The following TTLL5 variants were observed in gnomAD, a reference collection of about 807,000 sequenced individuals.
TTLL5 encodes tubulin polyglutamylase TTLL5.
A neutral mutation model predicts 168.4 loss-of-function variants in TTLL5; 132 were observed. The ratio of observed to expected loss-of-function variants is 0.78; its 90% CI spans 0.68 to 0.91. The LOEUF (loss-of-function observed/expected upper bound fraction) is 0.91, where lower values mean the gene tolerates loss of function less well. TTLL5 is among the 40% of genes least tolerant of loss of function. The pLI, the probability that TTLL5 is intolerant of heterozygous loss-of-function variation, is 0.00. For missense variants in TTLL5, 1,545 were observed against 1,581.5 expected, an observed-to-expected ratio of 0.98 and a Z score of 0.39; for synonymous variants, 546 against 558.6, an observed-to-expected ratio of 0.98 and a Z score of 0.32.
chr14:75,891,839 C>T (rs543274688), intron 30 of TTLL5, among the ~76,000 whole-genome samples: 20 of 152,274 alleles, frequency 1.3e-4, no homozygotes, highest in Non-Finnish European at 1.0e-4. Context: ...CTAGAGATAG[C>T]ACTAAGCTTC....
chr14:75,815,126 C>T (rs1337147362), intron 27 of TTLL5, among the ~76,000 whole-genome samples: 1 of 152,108 alleles, frequency 6.6e-6, no homozygotes, highest in Non-Finnish European at 1.5e-5. Context: ...GAAGAGACTG[C>T]TGGGTGAGGG....
intron 28 of TTLL5, among the ~76,000 whole-genome samples, chr14:75,846,980 A>G (rs1306381570): frequency 1.3e-5 from 2 of 151,920 alleles, no homozygotes; most frequent in Non-Finnish European, 2.9e-5. Flanking sequence ...ATTACATTGG[A>G]TTAAGTTCCT....
rs1251844912 is a variant in TTLL5 at position 75,766,135 on chromosome 14, T to C, written c.1782T>C (p.Asp594=). The C allele has an allele frequency of 1.2e-6, 2 of 1,614,060 alleles. No homozygotes were observed. The highest frequency in any genetic ancestry group is 1.7e-6 in the Non-Finnish European group (2 of 1,179,988). ...ESEEEEEVAL[D]NEDEEQEASQ... is the part of the protein sequence containing the mutation. ...AAGAGGAGGAAGAAGTCGCATTAGATAATGAAGATGAAGAACAGGAGGCTT... is the reference window on the plus strand; with the variant it reads ...AAGAGGAGGAAGAAGTCGCATTAGACAATGAAGATGAAGAACAGGAGGCTT... The change falls in exon 20 of 32, where the codon GAT becomes GAC. Residue 594 remains aspartate (D), a synonymous_variant. Transcript: ENST00000298832.
At chr14:75,828,067 T>G (rs190662982) in intron 28 of TTLL5, among the ~76,000 whole-genome samples, 39 of 152,212 alleles carry the variant, frequency 2.6e-4, no homozygotes, top group African/African-American at 8.7e-4. Flanking sequence ...GTGATGAGAA[T>G]GAAATATGGG....
intron 4 of TTLL5, 149 bp from the exon 5 acceptor site, chr14:75,683,401 T>C: frequency 1.6e-6 from 1 of 610,716 alleles, no homozygotes; most frequent in Admixed American, 2.9e-5. Flanking sequence ...ACACTGCTTT[T>C]GTCTCACTAG....
intron 31 of TTLL5, among the ~76,000 whole-genome samples, chr14:75,935,093 A>G (rs932290177): frequency 3.9e-4 from 59 of 152,236 alleles, no homozygotes; most frequent in African/African-American, 1.3e-3. Context: ...TTGTGGTGAT[A>G]GTGAGCTGAC....
At chr14:75,923,154 A>G (rs1427493588) in intron 31 of TTLL5, among the ~76,000 whole-genome samples, 2 of 152,080 alleles carry the variant, frequency 1.3e-5, no homozygotes, top group Non-Finnish European at 2.9e-5. Context: ...TTCTCAAAAA[A>G]CCAGCTCCTG....
chr14:75,952,347 C>T (rs1029131852), intron 31 of TTLL5, among the ~76,000 whole-genome samples: 15 of 152,154 alleles, frequency 9.9e-5, no homozygotes, highest in African/African-American at 3.6e-4. Flanking sequence ...AGCAGTGTAT[C>T]ACTTCATGCC....
intron 31 of TTLL5, among the ~76,000 whole-genome samples, chr14:75,932,721 A>G (rs2034314243): frequency 6.6e-6 from 1 of 152,164 alleles, no homozygotes; most frequent in Non-Finnish European, 1.5e-5. Context: ...CTGTTTTGTC[A>G]CTGTGAAATG....
chr14:75,736,377 A>G (rs190286541), intron 15 of TTLL5, among the ~76,000 whole-genome samples: 51 of 151,930 alleles, frequency 3.4e-4, no homozygotes, highest in Non-Finnish European at 6.2e-4. Context: ...TCCATATACT[A>G]TTATTTATTC....
chr14:75,869,821 A>ATTGTTTTTTTTTT (rs2030863777), intron 29 of TTLL5, among the ~76,000 whole-genome samples: 1 of 82,416 alleles, frequency 1.2e-5, no homozygotes, highest in Non-Finnish European at 2.1e-5. Context: ...TTCAACAAGT[A>ATTGTTTTTTTTTT]TTTTTTTTTT....
At chr14:75,869,581 C>G (rs2139974588) in intron 29 of TTLL5, among the ~76,000 whole-genome samples, 1 of 152,146 alleles carries the variant, frequency 6.6e-6, no homozygotes, top group Admixed American at 6.5e-5. Flanking sequence ...TACAGCTGCC[C>G]TCTTATTAGC....
rs1486302168 is a variant in TTLL5, at chr14:75,815,469, C to T, written c.3172-4538C>T. On this transcript the variant is annotated intron_variant, in intron 27 of 31. Coordinates refer to ENST00000298832, the MANE Select transcript of TTLL5 (RefSeq NM_015072.5). ...CAGGAATGGTTGTTATGTGAATAAA[C>T]GTAACCCTCCAATAATCCAAAAGTA... 3.9e-5 allele frequency among the ~76,000 whole-genome samples: 6 copies of T among 152,160 alleles called. 1 individual carries two copies. In the South Asian group the frequency reaches 6.2e-4, roughly 16 times the overall value.
intron 9 of TTLL5, among the ~76,000 whole-genome samples, chr14:75,708,853 C>T (rs1194451635): frequency 1.3e-5 from 2 of 152,056 alleles, no homozygotes; most frequent in South Asian, 2.1e-4. Flanking sequence ...TCTTTTTATG[C>T]GTAGTGCCTT....
chr14:75,867,044 A>T (rs1435803661), intron 29 of TTLL5, among the ~76,000 whole-genome samples: 1 of 152,272 alleles, frequency 6.6e-6, no homozygotes, highest in Non-Finnish European at 1.5e-5. Flanking sequence ...TTTAAGTCAG[A>T]GCAGAGGTCA....
intron 28 of TTLL5, among the ~76,000 whole-genome samples, chr14:75,823,343 A>G (rs1466813078): frequency 6.6e-6 from 1 of 152,178 alleles, no homozygotes; most frequent in Non-Finnish European, 1.5e-5. Context: ...CTTCCATGGA[A>G]TTGGACTGCA....
At chr14:75,915,049 A>G (rs2033565321) in intron 31 of TTLL5, among the ~76,000 whole-genome samples, 1 of 152,258 alleles carries the variant, frequency 6.6e-6, no homozygotes, top group Non-Finnish European at 1.5e-5. Context: ...TTATAAGGGA[A>G]CAAAGTTAAA....
chr14:75,731,189 AC>A (rs1191792382), intron 12 of TTLL5, among the ~76,000 whole-genome samples: 1 of 152,096 alleles, frequency 6.6e-6, no homozygotes, highest in East Asian at 1.9e-4. Context: ...TCTGGAAAAT[AC>A]CTCGTTGTGT....
chr14:75,848,702 C>G (rs1184499469), intron 28 of TTLL5, among the ~76,000 whole-genome samples: 1 of 152,186 alleles, frequency 6.6e-6, no homozygotes, highest in Non-Finnish European at 1.5e-5. Context: ...GTTCATAAGG[C>G]TGAGGACCAA....
Sources: allele counts gnomAD v4.1 joint callset (sites outside exome capture counted in the v4.1 genomes callset), GRCh38; gene constraint gnomAD v4.1.1; transcripts MANE v1.5; gene names NCBI Gene and HGNC (gene_info 2026-07-23, HGNC 2026-07-21).